The following NLRC5 variants were observed in gnomAD, a reference collection of about 807,000 sequenced individuals.
The protein encoded by NLRC5 is NLR family CARD domain containing 5.
A neutral mutation model predicts 206.9 loss-of-function variants in NLRC5; 114 were observed. That is an observed-to-expected ratio of 0.55 (90% CI 0.47 to 0.64). The LOEUF is 0.64. Among genes scored for constraint, NLRC5 ranks in the 30% least tolerant of loss-of-function variants. The probability of loss-of-function intolerance (pLI) is 0.00; values close to 1 mark genes in which losing one functional copy is unlikely to be tolerated. For missense variants in NLRC5, 2,008 were observed against 2,305.5 expected (o/e 0.87, Z 2.64); for synonymous variants, 952 against 962.8 (o/e 0.99, Z 0.21).
intron 38 of NLRC5, among the ~76,000 whole-genome samples, chr16:57,073,375 G>C (rs1232820757): frequency 3.9e-5 from 6 of 152,138 alleles, no homozygotes; most frequent in Non-Finnish European, 7.4e-5. Flanking sequence ...CTCAAATCCA[G>C]TCAGCTTCTT....
intron 20 of NLRC5, 157 bp downstream of exon 20, chr16:57,043,761 T>C: frequency 1.5e-6 from 1 of 645,466 alleles, no homozygotes; most frequent in South Asian, 1.7e-5. Context: ...GGGCGTCCAC[T>C]GAATGAATGA....
intron 14 of NLRC5, among the ~76,000 whole-genome samples, chr16:57,036,848 T>C (rs141087751): frequency 7.4e-4 from 113 of 152,144 alleles, no homozygotes; most frequent in African/African-American, 2.5e-3. Context: ...TAAAATGGGA[T>C]CACATGAAAC....
intron 17 of NLRC5, 46 bp downstream of exon 17, chr16:57,040,764 C>A: frequency 6.3e-7 from 1 of 1,575,352 alleles, no homozygotes; most frequent in Non-Finnish European, 8.7e-7. Context: ...AGCCCCCTCC[C>A]TTCCCCTGCT....
In NLRC5 at chr16:57,033,629, G is replaced by C; in HGVS notation, c.2503G>C (p.Gly835Arg). ...QRAPDLQESD[G>R]QRKGAQSRSL... Reference sequence around the variant, plus strand: ...AGCTCCAGACCTGCAGGAAAGTGACGGCCAGAGGAAAGGGGCTCAGAGCAG... The same window carrying C: ...AGCTCCAGACCTGCAGGAAAGTGACCGCCAGAGGAAAGGGGCTCAGAGCAG... Residue 835 changes from glycine to arginine, a missense_variant, in exon 12 of 49, where the codon GGC becomes CGC. Physicochemically the swap from Gly to Arg is moderately radical, Grantham distance 125 (BLOSUM62 -2). Coordinates refer to ENST00000688547, the MANE Select transcript of NLRC5 (RefSeq NM_001384950.1). 6.2e-7 allele frequency: 1 copy of C among 1,614,096 alleles called. No individual in the cohort carries two copies. The highest frequency in any genetic ancestry group is 1.3e-5 in the African/African-American group (1 of 75,034).
chr16:56,998,185 C>T (rs2057844795), intron 1 of NLRC5, among the ~76,000 whole-genome samples: 1 of 149,792 alleles, frequency 6.7e-6, no homozygotes, highest in Non-Finnish European at 1.5e-5. Flanking sequence ...AGCCTCAAGT[C>T]ACTGATGTCT....
Position 57,036,252 on chromosome 16 carries a change from G to T in NLRC5, c.2711+69G>T, listed in dbSNP as rs116732890. 6.0e-5 allele frequency: 85 copies of T among 1,413,170 alleles called. 1 individual carries two copies. In the African/African-American group the frequency reaches 1.2e-3, roughly 20 times the overall value. 87.5% of individuals were successfully genotyped at this position (1,413,170 alleles called of 1,614,324 possible). ...AGAGCCCCAGGAGGTCCCCGTGTTCGTAATCAGCAGTAAGGGTGCTGATCC... is the reference window on the plus strand; with the variant it reads ...AGAGCCCCAGGAGGTCCCCGTGTTCTTAATCAGCAGTAAGGGTGCTGATCC... On this transcript the variant is annotated intron_variant, in intron 14 of 48. Coordinates refer to ENST00000688547, the MANE Select transcript of NLRC5 (RefSeq NM_001384950.1).
chr16:57,073,539 T>A (rs1364231234), intron 38 of NLRC5, among the ~76,000 whole-genome samples: 1 of 152,152 alleles, frequency 6.6e-6, no homozygotes, highest in Non-Finnish European at 1.5e-5. Context: ...CAGGAAAAAC[T>A]CTTCTGTTCT....
At position 57,028,375 on chromosome 16, in the gene NLRC5, A is replaced by G. The variant is rs2061459873; in HGVS notation, c.2233A>G (p.Lys745Glu). 6.2e-7 allele frequency: 1 copy of G among 1,613,982 alleles called. No individual in the cohort carries two copies. Among genetic ancestry groups the G allele is most frequent in the Non-Finnish European group, 8.5e-7 (1 of 1,179,822 alleles). The change falls in exon 8 of 49, where the codon AAA becomes GAA. Residue 745 changes from lysine (K) to glutamate (E), a missense_variant. Coordinates refer to ENST00000688547, the MANE Select transcript of NLRC5 (RefSeq NM_001384950.1). The stretch of plus-strand genomic sequence containing the variant: ...AGCTTTGCCTCTCTGTCCACAGCTG[A>G]AAGAAGTCAGGTGAGTGATCTCCAG... ...VKALPLCPQL[K>E]EVSFRDNQLS...
chr16:57,074,546 C>A, intron 38 of NLRC5, 54 bp from the exon 39 acceptor site: 2 of 1,533,394 alleles, frequency 1.3e-6, no homozygotes, highest in Non-Finnish European at 1.8e-6. Context: ...GACCCCCAGA[C>A]TGGACAGTGC....
chr16:57,078,106 T>C (rs2068645085), intron 43 of NLRC5, 86 bp downstream of exon 43: 1 of 1,108,426 alleles, frequency 9.0e-7, no homozygotes, highest in Admixed American at 2.8e-5. Flanking sequence ...CCCCATCAGT[T>C]GAGCTGCCCT....
chr16:56,992,709 T>G (rs1407631954), intron 1 of NLRC5, among the ~76,000 whole-genome samples: 1 of 151,990 alleles, frequency 6.6e-6, no homozygotes, highest in Non-Finnish European at 1.5e-5. Context: ...ACTCCTGACC[T>G]CAGGTGATCC....
chr16:57,010,754 T>C (rs1254329743), intron 1 of NLRC5, among the ~76,000 whole-genome samples: 2 of 152,228 alleles, frequency 1.3e-5, no homozygotes, highest in Non-Finnish European at 2.9e-5. Flanking sequence ...CCTATTTCTC[T>C]TTTATTTCAC....
chr16:57,069,552 A>C (rs2067411558), intron 36 of NLRC5, among the ~76,000 whole-genome samples: 1 of 152,276 alleles, frequency 6.6e-6, no homozygotes, highest in Non-Finnish European at 1.5e-5. Flanking sequence ...AATAAACAAC[A>C]GTAACTAGCT....
Position 57,026,528 on chromosome 16 carries a change from A to G in NLRC5, c.1585A>G (p.Ser529Gly). The G allele has an allele frequency of 6.2e-7, 1 of 1,614,170 alleles. No individual in the cohort carries two copies. The highest frequency in any genetic ancestry group is 2.2e-5 in the East Asian group (1 of 44,880). The change falls in exon 6 of 49, where the codon AGC becomes GGC. Residue 529 changes from serine (S) to glycine (G), a missense_variant. Transcript: ENST00000688547. ...TCTTGCTGCCCTGCACCTGATGGCCAGCCCCAAGGTGAACAAAGACACACT... is the reference window on the plus strand; with the variant it reads ...TCTTGCTGCCCTGCACCTGATGGCCGGCCCCAAGGTGAACAAAGACACACT... Reference protein sequence around the residue: ...EFLAALHLMASPKVNKDTLTQ... With the variant: ...EFLAALHLMAGPKVNKDTLTQ...
chr16:57,077,368 C>T lies in NLRC5; in HGVS notation c.4908C>T (p.Leu1636=). The change falls in exon 41 of 49, where the codon CTC becomes CTT. Residue 1636 remains leucine, a synonymous_variant. Coordinates refer to ENST00000688547, the MANE Select transcript of NLRC5 (RefSeq NM_001384950.1). ...CCATCCTGCCTGGGCTGCCAGAGCT[C>T]AGGAAGATAGAGTGAGTAGCCAGCC... The part of the protein sequence containing the change: ...LATILPGLPE[L]RKIDLSGNSI... 1 of 1,613,946 alleles carries T rather than the reference C, an allele frequency of 6.2e-7. No individual in the cohort carries two copies. Among genetic ancestry groups the T allele is most frequent in the Non-Finnish European group, 8.5e-7 (1 of 1,179,960 alleles).
Position 57,041,586 on chromosome 16 carries a change from G to T in NLRC5, c.3029+12G>T, listed in dbSNP as rs368980958. The T allele has an allele frequency of 1.3e-4, 208 of 1,612,878 alleles. No individual in the cohort carries two copies. The highest frequency in any genetic ancestry group is 1.7e-4 in the Non-Finnish European group (195 of 1,179,004). ...CACCTCCACCTCGAGTGAGTGGTTT[G>T]TGTGTTGGAAGGTGGGTGGGTGGGG... On this transcript the variant is annotated intron_variant, in intron 18 of 48. Coordinates refer to ENST00000688547, the MANE Select transcript of NLRC5 (RefSeq NM_001384950.1).
At chr16:57,025,331 G>GA in intron 5 of NLRC5, 37 bp from the exon 6 acceptor site, 1 of 1,505,406 alleles carries the variant, frequency 6.6e-7, no homozygotes, top group Non-Finnish European at 8.9e-7. Context: ...GAGGGCCGGG[G>GA]GGTCCTCTCC....
At chr16:57,065,895 A>C (rs375302674) in intron 33 of NLRC5, among the ~76,000 whole-genome samples, 22 of 152,300 alleles carry the variant, frequency 1.4e-4, no homozygotes, top group African/African-American at 5.3e-4. Context: ...GGAGTGAGCA[A>C]GGGGATGCTC....
rs1327148317 is a variant in NLRC5 at position 57,045,463 on chromosome 16, C to T, written c.3219C>T (p.His1073=). ...CTGCTTCCAGCTTTGAAAGCCAACA[C>T]ATCCTCCTGAGAGGGGACAAGACAA... ...FRLDISFESQ[H]ILLRGDKTSR... is the part of the protein sequence containing the mutation. Residue 1073 remains histidine, a synonymous_variant, in exon 21 of 49, where the codon CAC becomes CAT. Coordinates refer to ENST00000688547, the MANE Select transcript of NLRC5 (RefSeq NM_001384950.1). The T allele has an allele frequency of 6.2e-7, 1 of 1,614,136 alleles. No homozygotes were observed. The highest frequency in any genetic ancestry group is 1.1e-5 in the South Asian group (1 of 91,088).
Sources: gnomAD v4.1 joint callset for allele counts (sites outside exome capture counted in the v4.1 genomes callset) on GRCh38, gnomAD v4.1.1 for gene constraint, MANE v1.5 for transcripts, NCBI Gene and HGNC (gene_info 2026-07-23, HGNC 2026-07-21) for gene names.